Variants in SVIL observed in about 807,000 individuals in gnomAD.
The protein encoded by SVIL is supervillin.
SVIL carries 101 observed loss-of-function variants against 240.4 expected under a neutral mutation model. The observed-to-expected ratio is 0.42, with a 90% CI of 0.36 to 0.50. The LOEUF (loss-of-function observed/expected upper bound fraction) is 0.50, where lower values mean the gene tolerates loss of function less well. Among genes scored for constraint, SVIL ranks in the 20% least tolerant of loss-of-function variants. The pLI is 0.01. For synonymous variants in SVIL, 999 were observed against 1,100.0 expected (o/e 0.91, Z 1.82); for missense variants, 2,512 against 2,818.7 (o/e 0.89, Z 2.46).
intron 6 of SVIL, among the ~76,000 whole-genome samples, chr10:29,543,157 C>T (rs1319861873): frequency 2.6e-5 from 4 of 152,192 alleles, no homozygotes; most frequent in Non-Finnish European, 4.4e-5. Flanking sequence ...TCAAGGACAG[C>T]ACCAAGGTCT....
chr10:29,523,355 T>C (rs1008913227), intron 15 of SVIL, 96 bp downstream of exon 15: 4 of 1,180,690 alleles, frequency 3.4e-6, no homozygotes, highest in African/African-American at 3.1e-5. Context: ...AAACTGCCTA[T>C]AGAACTTTGT....
intron 1 of SVIL, among the ~76,000 whole-genome samples, chr10:29,689,599 A>G (rs761170283): frequency 6.6e-6 from 1 of 152,172 alleles, no homozygotes; most frequent in African/African-American, 2.4e-5. Flanking sequence ...TCTTTTTCAT[A>G]CTGCATACTG....
intron 1 of SVIL, among the ~76,000 whole-genome samples, chr10:29,605,014 GTTAT>G (rs1037345825): frequency 1.8e-4 from 28 of 152,308 alleles, no homozygotes; most frequent in African/African-American, 6.7e-4. Flanking sequence ...CGGGAATACT[GTTAT>G]TTGTTTCTTG....
At chr10:29,721,259 A>AACAAACAAAC (rs147715554) in intron 1 of SVIL, among the ~76,000 whole-genome samples, 23 of 151,676 alleles carry the variant, frequency 1.5e-4, no homozygotes, top group Non-Finnish European at 2.7e-4. Flanking sequence ...CAAACAAACA[A>AACAAACAAAC]AAAAACACCT....
chr10:29,507,178 G>A (rs1471961032), intron 17 of SVIL, among the ~76,000 whole-genome samples: 1 of 151,944 alleles, frequency 6.6e-6, no homozygotes, highest in Non-Finnish European at 1.5e-5. Flanking sequence ...TCACTGGAGG[G>A]GCCTCCCCTC....
intron 1 of SVIL, among the ~76,000 whole-genome samples, chr10:29,696,987 A>G (rs1397651988): frequency 4.6e-4 from 51 of 111,576 alleles, no homozygotes; most frequent in South Asian, 1.9e-3. Context: ...CCCCTCGCCC[A>G]GCCAGCCGCC....
intron 3 of SVIL, among the ~76,000 whole-genome samples, chr10:29,649,685 CAT>C (rs1203171618): frequency 6.6e-6 from 1 of 152,120 alleles, no homozygotes; most frequent in Admixed American, 6.6e-5. Flanking sequence ...CACACACACA[CAT>C]CTGGTAAAAG....
At chr10:29,525,259 C>T (rs1172532910) in intron 13 of SVIL, among the ~76,000 whole-genome samples, 8 of 152,178 alleles carry the variant, frequency 5.3e-5, no homozygotes, top group Admixed American at 5.2e-4. Context: ...TAGGTTCCTA[C>T]CAGTTTTCTA....
chr10:29,567,934 G>T (rs7100613), intron 2 of SVIL, among the ~76,000 whole-genome samples: 1 of 151,470 alleles, frequency 6.6e-6, no homozygotes, highest in South Asian at 2.1e-4. Context: ...GGAGAATGGC[G>T]TGAACCCAGG....
chr10:29,475,291 A>G (rs1320865229), intron 29 of SVIL: 1 of 152,232 alleles, frequency 6.6e-6, no homozygotes, highest in Non-Finnish European at 1.5e-5. Context: ...TCAGCCTCCA[A>G]AAGTGCTGGA....
intron 1 of SVIL, among the ~76,000 whole-genome samples, chr10:29,573,142 A>T (rs1367829310): frequency 6.6e-6 from 1 of 151,990 alleles, no homozygotes; most frequent in Non-Finnish European, 1.5e-5. Flanking sequence ...TTTGGGGTAT[A>T]TGGGTCCCAT....
Position 29,580,371 on chromosome 10 carries a change from G to A in SVIL, c.-200-11059C>T, listed in dbSNP as rs544180982. ...TCTCTAAAAAAATTGTTTTAATAAA[G>A]GCAAAACAGCCATTCCCTGGCCAGC... On this transcript the variant is annotated intron_variant, in intron 1 of 37. Coordinates refer to ENST00000355867, the MANE Select transcript of SVIL (RefSeq NM_021738.3). Among the ~76,000 whole-genome samples the A allele has an allele frequency of 1.1e-3, 171 of 152,138 alleles. 1 individual carries two copies. The highest frequency in any genetic ancestry group is 3.4e-3 in the Middle Eastern group (1 of 294).
At chr10:29,665,076 T>C (rs546551756) in intron 2 of SVIL, among the ~76,000 whole-genome samples, 30 of 151,554 alleles carry the variant, frequency 2.0e-4, no homozygotes, top group African/African-American at 6.6e-4. Context: ...CCTATGTATA[T>C]CTCTACAAAA....
At chr10:29,721,556 A>G (rs1963984020) in intron 1 of SVIL, among the ~76,000 whole-genome samples, 1 of 151,626 alleles carries the variant, frequency 6.6e-6, no homozygotes, top group Non-Finnish European at 1.5e-5. Context: ...AAAAAGCTGA[A>G]GTGGCTTTAT....
intron 2 of SVIL, among the ~76,000 whole-genome samples, chr10:29,681,381 G>T (rs1400628416): frequency 5.4e-5 from 8 of 149,102 alleles, no homozygotes; most frequent in Admixed American, 1.3e-4. Context: ...ACATGCAAAG[G>T]CATGATGACC....
At chr10:29,596,233 G>A (rs1417250598) in intron 1 of SVIL, among the ~76,000 whole-genome samples, 1 of 152,204 alleles carries the variant, frequency 6.6e-6, no homozygotes, top group African/African-American at 2.4e-5. Context: ...CCCTTTGGGA[G>A]GCCGAGGTGG....
At chr10:29,599,883 G>A (rs755848089) in intron 1 of SVIL, among the ~76,000 whole-genome samples, 9 of 151,940 alleles carry the variant, frequency 5.9e-5, no homozygotes, top group Non-Finnish European at 1.2e-4. Flanking sequence ...ATTAATGACA[G>A]CCCTCTTCTG....
chr10:29,551,216 G>C lies in SVIL; in HGVS notation c.208C>G (p.Gln70Glu). The C allele has an allele frequency of 6.2e-7, 1 of 1,609,192 alleles. No homozygotes were observed. ...EETSDSSLEK[Q>E]TRSKYCTETS... The stretch of plus-strand genomic sequence containing the variant: ...TCTGTGCAGTATTTGGATCGAGTTT[G>C]CTTTTCTAGAGAAGAATCAGAAGTT... Residue 70 changes from glutamine (Q) to glutamate (E), a missense_variant, in exon 6 of 38, where the codon CAA becomes GAA. Physicochemically the swap from Gln to Glu is conservative, Grantham distance 29 (BLOSUM62 2). This residue lies in a region of SVIL where 1,443 missense variants were observed against 1,486.6 expected (regional missense o/e 0.97). Transcript: ENST00000355867.
At chr10:29,550,058 A>AG (rs1419052483) in intron 6 of SVIL, among the ~76,000 whole-genome samples, 3 of 121,890 alleles carry the variant, frequency 2.5e-5, no homozygotes, top group East Asian at 2.5e-4. Flanking sequence ...GAAAAGAAAA[A>AG]GAAAAAAAAA....
Sources: allele counts gnomAD v4.1 joint callset (sites outside exome capture counted in the v4.1 genomes callset), GRCh38; gene constraint gnomAD v4.1.1; regional missense constraint gnomAD v4.1.1; transcripts MANE v1.5; gene names NCBI Gene and HGNC (gene_info 2026-07-23, HGNC 2026-07-21).